HMMR: variants seen among roughly 807,000 people sequenced by gnomAD.
The protein encoded by HMMR is intracellular hyaluronic acid-binding protein.
HMMR carries 108 observed loss-of-function variants against 101.0 expected under a neutral mutation model. The ratio of observed to expected loss-of-function variants is 1.07; its 90% CI spans 0.92 to 1.25. The LOEUF is 1.25. Ranked by LOEUF, HMMR falls within the 50% of genes most tolerant of loss-of-function variation. The probability of loss-of-function intolerance (pLI) is 0.00; values close to 1 mark genes in which losing one functional copy is unlikely to be tolerated. For missense variants in HMMR, 813 were observed against 788.7 expected (o/e 1.03, Z -0.37); for synonymous variants, 296 against 276.4 (o/e 1.07, Z -0.70).
intron 11 of HMMR, among the ~76,000 whole-genome samples, chr5:163,476,973 G>C (rs576626992): frequency 5.9e-5 from 9 of 152,230 alleles, no homozygotes; most frequent in African/African-American, 2.2e-4. Context: ...GGAGGTTGTG[G>C]TGAGCTGACA....
intron 7 of HMMR, among the ~76,000 whole-genome samples, chr5:163,472,054 AT>A (rs939053528): frequency 2.7e-4 from 36 of 133,018 alleles, no homozygotes; most frequent in Admixed American, 7.2e-4. Context: ...ATTATTATTT[AT>A]TTTTTTTTTT....
In HMMR at chr5:163,483,093, C is replaced by G. The variant is rs1054383408; in HGVS notation, c.1606C>G (p.Gln536Glu). The change falls in exon 14 of 18, where the codon CAA (glutamine) becomes GAA (glutamate). Residue 536 changes from glutamine to glutamate, a missense_variant. Transcript: ENST00000393915. ...EIKEITVSFL[Q>E]KITDLQNQLK... ...TAAAGAAATCACAGTTTCTTTTCTT[C>G]AAAAAATAACTGATTTGCAGAACCA... 3.1e-6 allele frequency: 5 copies of G among 1,612,148 alleles called. No homozygotes were observed. In the Admixed American group the frequency reaches 8.4e-5, roughly 27 times the overall value.
rs188375193 is a variant in HMMR, at chr5:163,464,414, G to A, written c.146-309G>A. 2.6e-5 allele frequency among the ~76,000 whole-genome samples: 4 copies of A among 152,234 alleles called. No individual in the cohort carries two copies. The East Asian group carries it at 5.8e-4, about 22-fold the overall frequency. ...GTGGATCACATGAGTTCAGGATTTC[G>A]AGACAAGCCTGGCCAACATGGTGAA... On this transcript the variant is annotated intron_variant, in intron 2 of 17. Coordinates refer to ENST00000393915, the MANE Select transcript of HMMR (RefSeq NM_001142556.2).
At chr5:163,482,315 C>G (rs1581199149) in intron 12 of HMMR, among the ~76,000 whole-genome samples, 1 of 152,188 alleles carries the variant, frequency 6.6e-6, no homozygotes, top group East Asian at 1.9e-4. Flanking sequence ...TCCAGCCTTT[C>G]TTACTCATTA....
intron 11 of HMMR, among the ~76,000 whole-genome samples, chr5:163,477,979 G>T (rs1759123787): frequency 6.6e-6 from 1 of 152,038 alleles, no homozygotes; most frequent in African/African-American, 2.4e-5. Flanking sequence ...TCTTATCTCA[G>T]TGTCCAACTT....
At position 163,462,610 on chromosome 5, in the gene HMMR, T is replaced by G. The variant is rs1037617943; in HGVS notation, c.47-1246T>G. Among the ~76,000 whole-genome samples the G allele has an allele frequency of 4.6e-5, 7 of 152,004 alleles. 1 individual carries two copies. The highest frequency in any genetic ancestry group is 3.9e-4 in the Admixed American group (6 of 15,244). Reference sequence around the variant, plus strand: ...GGGAGGCCGAGGCAGAGAGATCAGCTGAGGTCAGGAGTTCAAGACCAGCCT... The same window carrying G: ...GGGAGGCCGAGGCAGAGAGATCAGCGGAGGTCAGGAGTTCAAGACCAGCCT... On this transcript the variant is annotated intron_variant, in intron 1 of 17. Transcript: ENST00000393915.
rs568606104 is a variant in HMMR at position 163,481,588 on chromosome 5, C to T, written c.1386-1054C>T. On this transcript the variant is annotated intron_variant, in intron 12 of 17. Coordinates refer to ENST00000393915, the MANE Select transcript of HMMR (RefSeq NM_001142556.2). ...TTGATCCTTCCATTGCTTTCTACCC[C>T]TAGTCTCTCATTGTTTTTATTGTAA... Among the ~76,000 whole-genome samples the T allele has an allele frequency of 3.3e-4, 50 of 152,286 alleles. No homozygotes were observed. In the South Asian group the frequency reaches 0.01, roughly 32 times the overall value.
At chr5:163,478,329 GGA>G (rs1213624149) in intron 11 of HMMR, among the ~76,000 whole-genome samples, 1 of 152,164 alleles carries the variant, frequency 6.6e-6, no homozygotes, top group Non-Finnish European at 1.5e-5. Context: ...GTGTCTAAAT[GGA>G]GAGAATGAAA....
intron 16 of HMMR, among the ~76,000 whole-genome samples, chr5:163,488,333 T>A (rs1294442748): frequency 2.6e-5 from 4 of 152,020 alleles, no homozygotes; most frequent in Non-Finnish European, 5.9e-5. Flanking sequence ...GGCTGAAAAA[T>A]CCAACATCCG....
intron 1 of HMMR, among the ~76,000 whole-genome samples, chr5:163,462,905 C>T (rs1205995805): frequency 2.0e-5 from 3 of 151,566 alleles, no homozygotes; most frequent in Non-Finnish European, 2.9e-5. Context: ...GCAGTAGTTG[C>T]CTGGGAATGG....
At position 163,478,673 on chromosome 5, in the gene HMMR, C is replaced by T. The variant is rs553088824; in HGVS notation, c.1269-11C>T. The T allele has an allele frequency of 2.6e-6, 4 of 1,536,734 alleles. No individual in the cohort carries two copies. Among genetic ancestry groups the T allele is most frequent in the Admixed American group, 1.7e-5 (1 of 59,490 alleles). On this transcript the variant is annotated splice_polypyrimidine_tract_variant and intron_variant, in intron 11 of 17. Coordinates refer to ENST00000393915, the MANE Select transcript of HMMR (RefSeq NM_001142556.2). Reference sequence around the variant, plus strand: ...GTGGCATTTTATCTTTCAATTATTTCTTTTTCTTAGGAAGGAGGCTGAACT... The same window carrying T: ...GTGGCATTTTATCTTTCAATTATTTTTTTTTCTTAGGAAGGAGGCTGAACT...
Position 163,491,420 on chromosome 5 carries a change from A to C in HMMR, c.*256A>C. ...GGCTTTCCAGCTTAGAATGCATCTCATCAACTTAAAAGTCAGTATCATATT... is the reference window on the plus strand; with the variant it reads ...GGCTTTCCAGCTTAGAATGCATCTCCTCAACTTAAAAGTCAGTATCATATT... On this transcript the variant is annotated 3_prime_UTR_variant, in exon 18 of 18. Transcript: ENST00000393915. 3 of 323,110 alleles carry C rather than the reference A, an allele frequency of 9.3e-6. No individual in the cohort carries two copies. The highest frequency in any genetic ancestry group is 5.1e-5 in the Admixed American group (1 of 19,552). 20.0% of individuals were successfully genotyped at this position (323,110 alleles called of 1,614,324 possible). A position where few individuals can be genotyped will look rare whatever the true frequency, so the allele number is the denominator to read the frequency against.
intron 3 of HMMR, among the ~76,000 whole-genome samples, chr5:163,467,288 T>C (rs1195865365): frequency 6.6e-6 from 1 of 152,248 alleles, no homozygotes; most frequent in Non-Finnish European, 1.5e-5. Context: ...TTTCAGTTTT[T>C]ATTTCTTTGC....
At chr5:163,482,092 T>G (rs1397874903) in intron 12 of HMMR, among the ~76,000 whole-genome samples, 1 of 152,118 alleles carries the variant, frequency 6.6e-6, no homozygotes, top group Non-Finnish European at 1.5e-5. Context: ...ATTTTTTGTG[T>G]TTTTAGTAGT....
intron 1 of HMMR, among the ~76,000 whole-genome samples, chr5:163,462,465 GCCTA>G (rs1758570503): frequency 6.6e-6 from 1 of 151,810 alleles, no homozygotes; most frequent in East Asian, 1.9e-4. Flanking sequence ...ACAAAACAAT[GCCTA>G]ACTTTGCAGC....
chr5:163,479,993 T>G (rs954050534), intron 12 of HMMR, among the ~76,000 whole-genome samples: 1 of 152,248 alleles, frequency 6.6e-6, no homozygotes, highest in Non-Finnish European at 1.5e-5. Context: ...TAGCTCATTT[T>G]GGGGGAGAGT....
intron 5 of HMMR, among the ~76,000 whole-genome samples, chr5:163,470,552 G>A (rs1758851800): frequency 6.6e-6 from 1 of 152,208 alleles, no homozygotes; most frequent in African/African-American, 2.4e-5. Flanking sequence ...GAACTCGGGA[G>A]GCTGAGGCAT....
chr5:163,470,087 G>A (rs1355927802), intron 5 of HMMR, among the ~76,000 whole-genome samples: 2 of 152,100 alleles, frequency 1.3e-5, no homozygotes, highest in African/African-American at 2.4e-5. Context: ...AGAATCACTT[G>A]AACCCAGGAG....
chr5:163,476,350 GA>G (rs539233965), intron 11 of HMMR, among the ~76,000 whole-genome samples: 8 of 151,934 alleles, frequency 5.3e-5, no homozygotes, highest in East Asian at 1.9e-4. Flanking sequence ...GAACTTGGGG[GA>G]AAAAAATAAA....
Sources: gnomAD v4.1 joint callset for allele counts (sites outside exome capture counted in the v4.1 genomes callset) on GRCh38, gnomAD v4.1.1 for gene constraint, MANE v1.5 for transcripts, NCBI Gene and HGNC (gene_info 2026-07-23, HGNC 2026-07-21) for gene names.